DLG5: variants seen among roughly 807,000 people sequenced by gnomAD.
DLG5 encodes discs large MAGUK scaffold protein 5.
A neutral mutation model predicts 189.8 loss-of-function variants in DLG5; 48 were observed. The observed-to-expected ratio is 0.25, with a 90% CI of 0.20 to 0.32. The LOEUF is 0.32. DLG5 is among the 10% of genes least tolerant of loss of function. DLG5 has a pLI of 1.00. For synonymous variants in DLG5, 1,016 were observed against 1,054.1 expected (o/e 0.96, Z 0.70); for missense variants, 2,160 against 2,544.7 (o/e 0.85, Z 3.25).
chr10:77,936,299 G>A, the DLG5 span, among the ~76,000 whole-genome samples: 34 of 152,206 alleles, frequency 2.2e-4, no homozygotes, highest in South Asian at 6.4e-3. Context: ...TTAGCTGGGC[G>A]TGGTGGTGCA....
chr10:77,826,585 C>T (rs1411333193), intron 13 of DLG5, among the ~76,000 whole-genome samples: 1 of 152,002 alleles, frequency 6.6e-6, no homozygotes, highest in Non-Finnish European at 1.5e-5. Flanking sequence ...GCCAAGATCA[C>T]GCCACTGCAC....
intron 13 of DLG5, 47 bp from the exon 14 acceptor site, chr10:77,824,523 A>C: frequency 4.1e-6 from 6 of 1,470,762 alleles, no homozygotes; most frequent in Non-Finnish European, 4.7e-6. Flanking sequence ...GAGCGGCCTC[A>C]GGCCTACCAG....
chr10:77,826,816 C>T (rs976210969), intron 13 of DLG5, among the ~76,000 whole-genome samples: 12 of 151,936 alleles, frequency 7.9e-5, no homozygotes, highest in Non-Finnish European at 1.8e-4. Context: ...GGTGTGGTGG[C>T]GCATGCCTGT....
intron 1 of DLG5, among the ~76,000 whole-genome samples, chr10:77,899,918 G>C (rs1491000334): frequency 6.6e-6 from 1 of 152,066 alleles, no homozygotes; most frequent in African/African-American, 2.4e-5. Flanking sequence ...AAACATAACA[G>C]CAAATGGATA....
chr10:77,872,449 G>A (rs533809113), intron 1 of DLG5, among the ~76,000 whole-genome samples: 5 of 152,304 alleles, frequency 3.3e-5, no homozygotes, highest in East Asian at 1.9e-4. Context: ...CCAGGGCAGC[G>A]TGACATCTTT....
At chr10:77,920,676 A>T (rs754466) in intron 1 of DLG5, among the ~76,000 whole-genome samples, 32,909 of 152,090 alleles carry the variant, frequency 0.22, 3,833 homozygotes, top group South Asian at 0.29. Flanking sequence ...GGCCAGACCA[A>T]TCAGAATCCT....
intron 20 of DLG5, among the ~76,000 whole-genome samples, chr10:77,813,458 C>A (rs927748376): frequency 6.6e-6 from 1 of 152,182 alleles, no homozygotes; most frequent in Non-Finnish European, 1.5e-5. Context: ...CTCTCTCCCA[C>A]CCTCCAAAGT....
intron 2 of DLG5, among the ~76,000 whole-genome samples, chr10:77,857,114 C>A (rs898863598): frequency 6.6e-6 from 1 of 152,122 alleles, no homozygotes; most frequent in Non-Finnish European, 1.5e-5. Context: ...CACTCAACAA[C>A]CCCCAGTAAC....
upstream of DLG5, chr10:77,926,954 G>C (rs543644149): frequency 8.0e-4 from 305 of 379,320 alleles, 1 homozygote; most frequent in African/African-American, 6.2e-3. This position sits in a 1 kb window ranked among gnomAD's most constrained non-coding sequence, Gnocchi z 5.2. Context: ...TACAACTCCC[G>C]GGAGAAAGTC....
chr10:77,926,894 G>A, upstream of DLG5: 1 of 341,994 alleles, frequency 2.9e-6, no homozygotes, highest in Non-Finnish European at 6.0e-6. The surrounding 1 kb of genome is among the most constrained non-coding windows in gnomAD (Gnocchi z 5.2). Context: ...CCCGCCCCGC[G>A]AGAAAACTCG....
At chr10:77,806,724 G>GGGCCCC in intron 26 of DLG5, 34 bp downstream of exon 26, 1 of 1,016,166 alleles carries the variant, frequency 9.8e-7, no homozygotes, top group Non-Finnish European at 1.5e-6. Context: ...GGCGACCCCT[G>GGGCCCC]CCCCACCCCA....
the DLG5 span, among the ~76,000 whole-genome samples, chr10:77,934,867 T>G: frequency 6.6e-6 from 1 of 150,786 alleles, no homozygotes; most frequent in Non-Finnish European, 1.5e-5. Context: ...TTTGTTTTTT[T>G]TTTTTTTTGA....
At chr10:77,908,023 C>CCTTT (rs1846114442) in intron 1 of DLG5, among the ~76,000 whole-genome samples, 1 of 152,188 alleles carries the variant, frequency 6.6e-6, no homozygotes, top group African/African-American at 2.4e-5. Context: ...CAGCCACCTA[C>CCTTT]CTTTCACACA....
chr10:77,794,597 C>T (rs1840813214), intron 30 of DLG5, among the ~76,000 whole-genome samples: 1 of 152,212 alleles, frequency 6.6e-6, no homozygotes, highest in Non-Finnish European at 1.5e-5. Flanking sequence ...GCTGGCCATG[C>T]CCAAAAAACA....
At chr10:77,801,298 GATAA>G (rs1841191922) in intron 27 of DLG5, among the ~76,000 whole-genome samples, 1 of 152,164 alleles carries the variant, frequency 6.6e-6, no homozygotes, top group Non-Finnish European at 1.5e-5. Flanking sequence ...ACTCTAGAGT[GATAA>G]ATAAAATACA....
chr10:77,899,371 T>C lies in DLG5; in HGVS notation c.304+26846A>G, dbSNP rs191551834. On this transcript the variant is annotated intron_variant, in intron 1 of 31. Coordinates refer to ENST00000372391, the MANE Select transcript of DLG5 (RefSeq NM_004747.4). ...GCTCCAATTCTCCACCCCAGTACAATGGGCGTGCCCTCAGGATTCCAACAG... is the reference window on the plus strand; with the variant it reads ...GCTCCAATTCTCCACCCCAGTACAACGGGCGTGCCCTCAGGATTCCAACAG... 1.4e-3 allele frequency among the ~76,000 whole-genome samples: 215 copies of C among 152,290 alleles called. 4 individuals are homozygous for C. The highest frequency in any genetic ancestry group is 2.9e-4 in the Non-Finnish European group (20 of 68,016).
intron 1 of DLG5, among the ~76,000 whole-genome samples, chr10:77,917,284 G>A (rs1846388553): frequency 1.3e-5 from 2 of 152,102 alleles, no homozygotes; most frequent in South Asian, 4.1e-4. Flanking sequence ...AGAGCTTGCA[G>A]TGAGCCGAGA....
chr10:77,800,525 G>A (rs1045830071), intron 27 of DLG5, among the ~76,000 whole-genome samples: 9 of 150,606 alleles, frequency 6.0e-5, no homozygotes, highest in African/African-American at 1.5e-4. Context: ...ACCCAGGCAC[G>A]GGGCCGCCGC....
chr10:77,851,763 G>GT lies in DLG5; in HGVS notation c.864+1590dup, dbSNP rs1231644394. On this transcript the variant is annotated intron_variant, in intron 5 of 31. Transcript: ENST00000372391. ...ACAGCAACTTTTTCAACAGAAGCAAGTTTTTCAATGGAATACAGTTTCATT... is the reference window on the plus strand; with the variant it reads ...ACAGCAACTTTTTCAACAGAAGCAAGTTTTTTCAATGGAATACAGTTTCATT... Among the ~76,000 whole-genome samples the GT allele has an allele frequency of 2.0e-5, 3 of 152,220 alleles. No homozygotes were observed. In the South Asian group the frequency reaches 6.2e-4, roughly 31 times the overall value.
Sources: allele counts gnomAD v4.1 joint callset (sites outside exome capture counted in the v4.1 genomes callset), GRCh38; gene constraint gnomAD v4.1.1; non-coding constraint Gnocchi (gnomAD v3.1); transcripts MANE v1.5; gene names NCBI Gene and HGNC (gene_info 2026-07-23, HGNC 2026-07-21).